Variants in GRIK1 observed in about 807,000 individuals in gnomAD.
GRIK1 encodes glutamate ionotropic receptor kainate type subunit 1.
A neutral mutation model predicts 105.7 loss-of-function variants in GRIK1; 69 were observed. The ratio of observed to expected loss-of-function variants is 0.65; its 90% CI spans 0.54 to 0.80. The LOEUF (loss-of-function observed/expected upper bound fraction) is 0.80. GRIK1 is among the 30% of genes least tolerant of loss of function. GRIK1 has a pLI of 0.00. For missense variants in GRIK1, 1,109 were observed against 1,167.3 expected (o/e 0.95, Z 0.73); for synonymous variants, 438 against 431.3 (o/e 1.02, Z -0.19).
At chr21:29,578,136 A>G (rs556700288) in intron 13 of GRIK1, among the ~76,000 whole-genome samples, 1 of 152,348 alleles carries the variant, frequency 6.6e-6, no homozygotes, top group African/African-American at 2.4e-5. Flanking sequence ...GTACTGATTC[A>G]CAAGTGGATT....
intron 1 of GRIK1, chr21:29,861,791 C>T (rs903418158): frequency 2.8e-5 from 9 of 322,188 alleles, no homozygotes; most frequent in Non-Finnish European, 4.9e-5. Flanking sequence ...TTGAACCAGC[C>T]TTAAATACCT....
chr21:29,571,256 G>A (rs1035003639), intron 14 of GRIK1, among the ~76,000 whole-genome samples: 8 of 151,914 alleles, frequency 5.3e-5, no homozygotes, highest in African/African-American at 1.7e-4. Flanking sequence ...TACTCAGGAG[G>A]CTGAGGCAGA....
intron 1 of GRIK1, among the ~76,000 whole-genome samples, chr21:29,937,640 T>C (rs2071810813): frequency 6.6e-6 from 1 of 152,200 alleles, no homozygotes; most frequent in Non-Finnish European, 1.5e-5. Context: ...ATATTTGTTA[T>C]ACAGGGATGA....
rs1472531261 is a variant in GRIK1, at chr21:29,560,384, CCTTCCTTCCTTCCTTCCTTT to C, written c.2356+1220_2356+1239del. On this transcript the variant is annotated intron_variant, in intron 15 of 17. Coordinates refer to ENST00000327783, the MANE Select transcript of GRIK1 (RefSeq NM_001330994.2). ...TTCTTTCTTCCTTCCTTCCTTCCTT[CCTTCCTTCCTTCCTTCCTTT>C]CTTTCTTTCTTTCTTTCTTTCTTTC... 1.2e-4 allele frequency among the ~76,000 whole-genome samples: 6 copies of C among 51,008 alleles called. 1 individual carries two copies. In the South Asian group the frequency reaches 2.4e-3, roughly 20 times the overall value. 33.5% of individuals were successfully genotyped at this position (51,008 alleles called of 152,430 possible).
At chr21:29,621,872 A>G (rs1211817419) in intron 7 of GRIK1, among the ~76,000 whole-genome samples, 2 of 152,204 alleles carry the variant, frequency 1.3e-5, no homozygotes, top group African/African-American at 4.8e-5. Context: ...TGGATTCTCT[A>G]ATTCCTTAAA....
At chr21:29,585,307 AAG>A (rs1389077270) in intron 12 of GRIK1, among the ~76,000 whole-genome samples, 3 of 152,128 alleles carry the variant, frequency 2.0e-5, no homozygotes, top group Non-Finnish European at 4.4e-5. Flanking sequence ...AGAATAGACA[AAG>A]AGGGGAAAAC....
At chr21:29,613,542 G>C (rs1396694343) in intron 7 of GRIK1, among the ~76,000 whole-genome samples, 1 of 152,158 alleles carries the variant, frequency 6.6e-6, no homozygotes, top group Admixed American at 6.6e-5. Flanking sequence ...CAGTTATTAA[G>C]CTTGGGGTCT....
In GRIK1 at chr21:29,651,230, C is replaced by T. The variant is rs928204075; in HGVS notation, c.842G>A (p.Arg281Gln). The T allele has an allele frequency of 6.2e-6, 10 of 1,613,582 alleles. No individual in the cohort carries two copies. The highest frequency in any genetic ancestry group is 1.7e-5 in the Admixed American group (1 of 60,008). The part of the protein sequence containing the change: ...RYSGVNMTGF[R>Q]LLNIDNPHVS... The stretch of plus-strand genomic sequence containing the variant: ...GTGAGGGTTGTCAATGTTAAGCAGC[C>T]GAAACCCGGTCATGTTTACGCCACT... Residue 281 changes from arginine to glutamine, a missense_variant, in exon 6 of 18, where the codon CGG becomes CAG. By Grantham distance (43) the Arg-to-Gln change is conservative (BLOSUM62 1). Transcript: ENST00000327783.
At chr21:29,812,036 C>A (rs890447298) in intron 1 of GRIK1, among the ~76,000 whole-genome samples, 1 of 152,170 alleles carries the variant, frequency 6.6e-6, no homozygotes, top group African/African-American at 2.4e-5. Flanking sequence ...CTTTACCTCT[C>A]ACCTGATTTA....
At chr21:29,667,632 T>G (rs1287565622) in intron 4 of GRIK1, among the ~76,000 whole-genome samples, 3 of 152,186 alleles carry the variant, frequency 2.0e-5, no homozygotes, top group Admixed American at 6.5e-5. Context: ...AATTTGTTCA[T>G]GTAAAGGAGA....
chr21:29,544,347 G>C (rs1403011469), intron 16 of GRIK1, among the ~76,000 whole-genome samples: 2 of 152,100 alleles, frequency 1.3e-5, no homozygotes, highest in African/African-American at 4.8e-5. Flanking sequence ...GGCCACGCAG[G>C]GCTACCCAGT....
chr21:29,919,263 C>T (rs748860656), intron 1 of GRIK1, among the ~76,000 whole-genome samples: 1 of 152,226 alleles, frequency 6.6e-6, no homozygotes, highest in Non-Finnish European at 1.5e-5. Flanking sequence ...ACTTGTGATG[C>T]AACTCCTAAA....
At chr21:29,584,079 C>T (rs963308542) in intron 12 of GRIK1, among the ~76,000 whole-genome samples, 17 of 152,114 alleles carry the variant, frequency 1.1e-4, no homozygotes, top group African/African-American at 4.1e-4. Context: ...TGAAAGTTCA[C>T]TTTGGGTTTA....
chr21:29,552,408 A>T (rs2090150303), intron 16 of GRIK1, among the ~76,000 whole-genome samples: 1 of 152,114 alleles, frequency 6.6e-6, no homozygotes, highest in African/African-American at 2.4e-5. Context: ...TTGAGTTAGC[A>T]TGGAAATTAT....
chr21:29,599,024 CA>C, intron 7 of GRIK1, 87 bp from the exon 8 acceptor site: 1 of 648,908 alleles, frequency 1.5e-6, no homozygotes. Flanking sequence ...TCAAATTCAT[CA>C]CAGTATCCAA....
At chr21:29,590,716 GA>G (rs1414180435) in intron 10 of GRIK1, among the ~76,000 whole-genome samples, 1 of 152,200 alleles carries the variant, frequency 6.6e-6, no homozygotes, top group Non-Finnish European at 1.5e-5. Flanking sequence ...CAGAGGTTCT[GA>G]AAAAACTACT....
At chr21:29,559,454 A>G (rs367767734) in intron 15 of GRIK1, among the ~76,000 whole-genome samples, 1 of 152,322 alleles carries the variant, frequency 6.6e-6, no homozygotes, top group East Asian at 1.9e-4. Flanking sequence ...GGGGCAAAAT[A>G]TACACTTCAC....
chr21:29,632,024 AT>A (rs2062286896), intron 7 of GRIK1, among the ~76,000 whole-genome samples: 1 of 151,866 alleles, frequency 6.6e-6, no homozygotes, highest in South Asian at 2.1e-4. Context: ...TGCAGAAGGG[AT>A]TGGACAAGTA....
chr21:29,609,364 T>C (rs547741582), intron 7 of GRIK1, among the ~76,000 whole-genome samples: 1 of 152,294 alleles, frequency 6.6e-6, no homozygotes, highest in South Asian at 2.1e-4. Flanking sequence ...TACAAATTTG[T>C]CCTTTTTATA....
Sources: allele counts gnomAD v4.1 joint callset (sites outside exome capture counted in the v4.1 genomes callset), GRCh38; gene constraint gnomAD v4.1.1; transcripts MANE v1.5; gene names NCBI Gene and HGNC (gene_info 2026-07-23, HGNC 2026-07-21).